The following LRRC7 variants were observed in gnomAD, a reference collection of about 807,000 sequenced individuals.
The protein encoded by LRRC7 is leucine-rich repeat-containing protein 7.
In LRRC7, 23 loss-of-function variants were observed where a neutral mutation model predicts 175.7. The observed-to-expected ratio is 0.13, with a 90% CI of 0.09 to 0.19. LRRC7 has a LOEUF of 0.19. Ranked by LOEUF, LRRC7 falls within the 10% of genes least tolerant of loss-of-function variation. LRRC7 has a pLI of 1.00. For synonymous variants in LRRC7, 685 were observed against 680.9 expected, an observed-to-expected ratio of 1.01 and a Z score of -0.09; for missense variants, 1,354 against 1,904.7, an observed-to-expected ratio of 0.71 and a Z score of 5.38.
chr1:70,088,627 T>C (rs752134965), intron 24 of LRRC7, among the ~76,000 whole-genome samples: 6 of 152,150 alleles, frequency 3.9e-5, no homozygotes, highest in Non-Finnish European at 8.8e-5. Context: ...CAATGTATAC[T>C]GCCTCTTGGT....
intron 2 of LRRC7, among the ~76,000 whole-genome samples, chr1:69,718,064 T>A (rs1570487659): frequency 4.3e-4 from 31 of 72,898 alleles, no homozygotes; most frequent in Admixed American, 6.9e-4. Context: ...AATGAAGAAA[T>A]AAGAGAAAGA....
intron 1 of LRRC7, among the ~76,000 whole-genome samples, chr1:69,585,679 C>T (rs1646376219): frequency 6.6e-6 from 1 of 152,166 alleles, no homozygotes; most frequent in Non-Finnish European, 1.5e-5. Context: ...TTGAAAGAGT[C>T]TGCAGATGTC....
At chr1:69,899,515 C>G (rs1646074954) in intron 7 of LRRC7, among the ~76,000 whole-genome samples, 1 of 152,172 alleles carries the variant, frequency 6.6e-6, no homozygotes, top group Non-Finnish European at 1.5e-5. Flanking sequence ...CAAATTGGGT[C>G]AGATAGTAAA....
At position 70,126,480 on chromosome 1, in the gene LRRC7, G is replaced by A. The variant is rs190925008; in HGVS notation, c.*4593G>A. Reference sequence around the variant, plus strand: ...CCTCTCTTCACACTTGTAGCTACCTGATCATCTGGGACTTGGGGGGCATCT... The same window carrying A: ...CCTCTCTTCACACTTGTAGCTACCTAATCATCTGGGACTTGGGGGGCATCT... On this transcript the variant is annotated 3_prime_UTR_variant, in exon 27 of 27. Transcript: ENST00000651989. Among the ~76,000 whole-genome samples, 1 of 152,150 alleles carries A rather than the reference G, an allele frequency of 6.6e-6. No individual in the cohort carries two copies. Among genetic ancestry groups the A allele is most frequent in the East Asian group, 1.9e-4 (1 of 5,166 alleles).
intron 23 of LRRC7, among the ~76,000 whole-genome samples, chr1:70,074,587 T>C (rs1399377054): frequency 1.3e-5 from 2 of 152,238 alleles, no homozygotes; most frequent in Non-Finnish European, 2.9e-5. Context: ...TGGTATAGGC[T>C]GAAGCCCTTT....
intron 3 of LRRC7, among the ~76,000 whole-genome samples, chr1:69,786,618 G>C (rs7517130): frequency 1.5e-3 from 233 of 152,218 alleles, no homozygotes; most frequent in African/African-American, 5.2e-3. Context: ...AAGGTAAAAG[G>C]CACATCTCAC....
chr1:69,702,663 G>A (rs910757816), intron 2 of LRRC7, among the ~76,000 whole-genome samples: 2 of 152,092 alleles, frequency 1.3e-5, no homozygotes, highest in African/African-American at 4.8e-5. Flanking sequence ...GCCACAATGT[G>A]TATGGAAGTA....
At chr1:69,967,473 C>T (rs1651778460) in intron 8 of LRRC7, among the ~76,000 whole-genome samples, 1 of 152,172 alleles carries the variant, frequency 6.6e-6, no homozygotes, top group Admixed American at 6.5e-5. Context: ...GAAAGCGCCA[C>T]CTCTCAGCAG....
chr1:69,769,563 C>T (rs1028094642), intron 3 of LRRC7, among the ~76,000 whole-genome samples: 2 of 152,082 alleles, frequency 1.3e-5, no homozygotes, highest in Non-Finnish European at 2.9e-5. Context: ...GTATATGAAG[C>T]ATAAATGAAT....
At position 70,141,975 on chromosome 1, in the gene LRRC7, A is replaced by G. The variant is rs1173962339; in HGVS notation, c.*20088A>G. 6.6e-6 allele frequency: 1 copy of G among 151,974 alleles called. No individual in the cohort carries two copies. The highest frequency in any genetic ancestry group is 1.5e-5 in the Non-Finnish European group (1 of 67,930). The allele number at this position is 151,974 out of a possible 1,614,324, so 9.4% of individuals were successfully genotyped here. On this transcript the variant is annotated 3_prime_UTR_variant, in exon 27 of 27. Coordinates refer to ENST00000651989, the MANE Select transcript of LRRC7 (RefSeq NM_001370785.2). ...AAATGGACAAAAGAAATCACATTGT[A>G]TTTCTTTGTATCTCTCCATTCCTCT...
intron 11 of LRRC7, among the ~76,000 whole-genome samples, chr1:70,010,737 C>T (rs559605491): frequency 2.6e-5 from 4 of 152,282 alleles, no homozygotes; most frequent in East Asian, 3.9e-4. Flanking sequence ...ACAATACCAA[C>T]GCCAACTGCA....
chr1:69,894,429 G>A (rs966383469), intron 7 of LRRC7, among the ~76,000 whole-genome samples: 2 of 152,120 alleles, frequency 1.3e-5, no homozygotes, highest in African/African-American at 4.8e-5. Context: ...TTTTGTTGGA[G>A]GTTTGAATAC....
chr1:69,640,671 G>A lies in LRRC7; in HGVS notation c.3-37710G>A, dbSNP rs186751571. 6.9e-4 allele frequency among the ~76,000 whole-genome samples: 102 copies of A among 148,240 alleles called. 1 individual carries two copies. The highest frequency in any genetic ancestry group is 2.4e-3 in the African/African-American group (93 of 39,036). On this transcript the variant is annotated intron_variant, in intron 1 of 26. Coordinates refer to ENST00000651989, the MANE Select transcript of LRRC7 (RefSeq NM_001370785.2). Reference sequence around the variant, plus strand: ...TTTAATTCTAACTTTGGTAAATAAAGTACCTGTAATTTTGAGTTAATTAAA... The same window carrying A: ...TTTAATTCTAACTTTGGTAAATAAAATACCTGTAATTTTGAGTTAATTAAA...
At chr1:70,042,686 A>C (rs186847190) in intron 21 of LRRC7, among the ~76,000 whole-genome samples, 2 of 152,356 alleles carry the variant, frequency 1.3e-5, no homozygotes, top group East Asian at 1.9e-4. Flanking sequence ...CTGAGAGAGC[A>C]CTAGACTGGA....
intron 1 of LRRC7, among the ~76,000 whole-genome samples, chr1:69,586,778 C>T (rs1245054): frequency 0.15 from 23,006 of 152,084 alleles, 1,915 homozygotes; most frequent in Admixed American, 0.19. Context: ...TTATTTAAGG[C>T]TGTAATATTT....
intron 1 of LRRC7, among the ~76,000 whole-genome samples, chr1:69,620,246 T>C (rs1225203308): frequency 1.5e-5 from 2 of 134,012 alleles, no homozygotes; most frequent in African/African-American, 2.9e-5. Flanking sequence ...TTAATGACTT[T>C]AAATGGATTG....
At chr1:70,100,963 A>G (rs1290322050) in intron 25 of LRRC7, among the ~76,000 whole-genome samples, 1 of 152,160 alleles carries the variant, frequency 6.6e-6, no homozygotes, top group Non-Finnish European at 1.5e-5. Flanking sequence ...TGATTCCTGG[A>G]GAGGAGCACT....
In LRRC7 at chr1:70,127,127, C is replaced by A. The variant is rs1010703674; in HGVS notation, c.*5240C>A. Among the ~76,000 whole-genome samples, 6 of 152,156 alleles carry A rather than the reference C, an allele frequency of 3.9e-5. No individual in the cohort carries two copies. The highest frequency in any genetic ancestry group is 1.4e-4 in the African/African-American group (6 of 41,450). On this transcript the variant is annotated 3_prime_UTR_variant, in exon 27 of 27. Coordinates refer to ENST00000651989, the MANE Select transcript of LRRC7 (RefSeq NM_001370785.2). The stretch of plus-strand genomic sequence containing the variant: ...GATGGAGTGCTTATAATGTTACTGA[C>A]AACAACAAACAAAGCCTGTGTGCAA...
At chr1:69,960,134 G>A (rs113152563) in intron 8 of LRRC7, among the ~76,000 whole-genome samples, 2,166 of 152,040 alleles carry the variant, frequency 0.014, 48 homozygotes, top group African/African-American at 0.049. Context: ...GGGGTTGGAG[G>A]CTATTTATTA....
Sources: gnomAD v4.1 joint callset for allele counts (sites outside exome capture counted in the v4.1 genomes callset) on GRCh38, gnomAD v4.1.1 for gene constraint, MANE v1.5 for transcripts, NCBI Gene and HGNC (gene_info 2026-07-23, HGNC 2026-07-21) for gene names.